The following SH3GL2 variants were observed in gnomAD, a reference collection of about 807,000 sequenced individuals.
SH3GL2 encodes SH3 domain containing GRB2 like 2, endophilin A1.
In SH3GL2, 24 loss-of-function variants were observed where a neutral mutation model predicts 46.0. The ratio of observed to expected loss-of-function variants is 0.52; its 90% CI spans 0.38 to 0.73. SH3GL2 has a LOEUF of 0.73. Among genes scored for constraint, SH3GL2 ranks in the 30% least tolerant of loss-of-function variants. SH3GL2 has a pLI of 0.00. For missense variants in SH3GL2, 413 were observed against 424.2 expected (o/e 0.97, Z 0.23); for synonymous variants, 196 against 147.1 (o/e 1.33, Z -2.40).
intron 1 of SH3GL2, among the ~76,000 whole-genome samples, chr9:17,677,075 G>T (rs1013317610): frequency 1.3e-5 from 2 of 152,244 alleles, no homozygotes; most frequent in Admixed American, 6.5e-5. Context: ...CATCACGCCT[G>T]CAGTCACTCC....
chr9:17,633,057 C>G (rs1217450336), intron 1 of SH3GL2, among the ~76,000 whole-genome samples: 1 of 152,186 alleles, frequency 6.6e-6, no homozygotes, highest in Non-Finnish European at 1.5e-5. Flanking sequence ...CTTTTCCTCT[C>G]CTGGGTCAGC....
intron 1 of SH3GL2, among the ~76,000 whole-genome samples, chr9:17,690,318 A>G (rs1821043412): frequency 6.6e-6 from 1 of 152,124 alleles, no homozygotes. Context: ...CTGCATAAAA[A>G]GTTGAATATG....
chr9:17,723,392 T>G (rs1414124913), intron 1 of SH3GL2, among the ~76,000 whole-genome samples: 1 of 152,190 alleles, frequency 6.6e-6, no homozygotes, highest in Non-Finnish European at 1.5e-5. Context: ...TGGTACATGT[T>G]TATGAGCTGT....
intron 1 of SH3GL2, among the ~76,000 whole-genome samples, chr9:17,580,395 A>G (rs1347597871): frequency 6.6e-6 from 1 of 152,178 alleles, no homozygotes; most frequent in African/African-American, 2.4e-5. Flanking sequence ...AGAAAAGGTG[A>G]GGGTTGTGTT....
intron 1 of SH3GL2, among the ~76,000 whole-genome samples, chr9:17,687,164 T>C (rs1174819418): frequency 6.6e-6 from 1 of 152,160 alleles, no homozygotes; most frequent in East Asian, 1.9e-4. Context: ...ATTAAGTGTA[T>C]GCTTTGATTT....
chr9:17,677,094 T>G (rs1025156738), intron 1 of SH3GL2, among the ~76,000 whole-genome samples: 14 of 152,124 alleles, frequency 9.2e-5, no homozygotes, highest in African/African-American at 3.4e-4. Context: ...CCTGTGGACT[T>G]AGAGGTTGAG....
chr9:17,774,137 T>A (rs1032967568), intron 3 of SH3GL2, among the ~76,000 whole-genome samples: 1 of 152,202 alleles, frequency 6.6e-6, no homozygotes, highest in African/African-American at 2.4e-5. Context: ...GATTTTTGTG[T>A]GTTGACTTTG....
intron 1 of SH3GL2, among the ~76,000 whole-genome samples, chr9:17,647,472 CAT>C (rs1278148956): frequency 6.6e-6 from 1 of 152,000 alleles, no homozygotes; most frequent in African/African-American, 2.4e-5. Flanking sequence ...TTTAGGAAGA[CAT>C]AAAGATACAA....
At position 17,712,508 on chromosome 9, in the gene SH3GL2, GT is replaced by G. The variant is rs1050325439; in HGVS notation, c.46-34552del. Among the ~76,000 whole-genome samples, 8 of 151,894 alleles carry G rather than the reference GT, an allele frequency of 5.3e-5. No homozygotes were observed. In the South Asian group the frequency reaches 1.2e-3, roughly 24 times the overall value. On this transcript the variant is annotated intron_variant, in intron 1 of 8. Transcript: ENST00000380607. ...ATATTACTGAAGGTGTGGATTGAAT[GT>G]TTTTTGTTTCTGCATATGAACATCC...
At chr9:17,638,892 T>G (rs535485738) in intron 1 of SH3GL2, among the ~76,000 whole-genome samples, 1 of 152,338 alleles carries the variant, frequency 6.6e-6, no homozygotes, top group East Asian at 1.9e-4. Context: ...GAACTTTTAA[T>G]GGACATCCGA....
At chr9:17,618,801 G>GTGTA (rs146712820) in intron 1 of SH3GL2, among the ~76,000 whole-genome samples, 13 of 151,738 alleles carry the variant, frequency 8.6e-5, no homozygotes, top group African/African-American at 2.7e-4. Flanking sequence ...TTTTGTGTGT[G>GTGTA]TGTGTGTGTG....
chr9:17,711,659 G>A (rs1191356704), intron 1 of SH3GL2, among the ~76,000 whole-genome samples: 2 of 151,726 alleles, frequency 1.3e-5, no homozygotes, highest in Non-Finnish European at 2.9e-5. Context: ...CCTTTATATT[G>A]CCAAATAGTA....
At chr9:17,623,376 T>C (rs900582462) in intron 1 of SH3GL2, among the ~76,000 whole-genome samples, 14 of 152,096 alleles carry the variant, frequency 9.2e-5, no homozygotes, top group Non-Finnish European at 1.9e-4. Context: ...TATACGTATG[T>C]AGTTCAAATG....
rs572327709 is a variant in SH3GL2 at position 17,597,196 on chromosome 9, G to C, written c.45+17909G>C. ...TATTTGCTGCAAAACTTCGGGTTTT[G>C]GTCCTTTTAAAGTAGTTTCAGATTT... On this transcript the variant is annotated intron_variant, in intron 1 of 8. Transcript: ENST00000380607. Among the ~76,000 whole-genome samples the C allele has an allele frequency of 7.4e-4, 112 of 152,246 alleles. 3 individuals carry two copies. In the South Asian group the frequency reaches 0.022, roughly 30 times the overall value.
intron 1 of SH3GL2, among the ~76,000 whole-genome samples, chr9:17,658,197 A>C (rs2117863901): frequency 6.6e-6 from 1 of 152,344 alleles, no homozygotes; most frequent in Admixed American, 6.5e-5. Flanking sequence ...GACAGTCATT[A>C]ATAAATGTTA....
chr9:17,608,147 C>CTTTTTT (rs58474566), intron 1 of SH3GL2, among the ~76,000 whole-genome samples: 13 of 120,332 alleles, frequency 1.1e-4, no homozygotes, highest in Non-Finnish European at 1.6e-4. Flanking sequence ...AAGCTTTCCT[C>CTTTTTT]TTTTTTTTTT....
intron 1 of SH3GL2, among the ~76,000 whole-genome samples, chr9:17,725,355 G>A (rs534325339): frequency 6.6e-6 from 1 of 152,116 alleles, no homozygotes; most frequent in South Asian, 2.1e-4. Flanking sequence ...ACTCTTCTTT[G>A]GTGTCTCTCA....
At chr9:17,783,068 G>C (rs566692991) in intron 3 of SH3GL2, among the ~76,000 whole-genome samples, 1 of 152,126 alleles carries the variant, frequency 6.6e-6, no homozygotes, top group Non-Finnish European at 1.5e-5. Context: ...CTGGAAGGAG[G>C]AAAGAAAGAA....
chr9:17,642,313 T>C (rs1168804459), intron 1 of SH3GL2, among the ~76,000 whole-genome samples: 1 of 152,202 alleles, frequency 6.6e-6, no homozygotes, highest in African/African-American at 2.4e-5. Flanking sequence ...GTAGGTTGCC[T>C]GTTCACTCTG....
Sources: allele counts gnomAD v4.1 joint callset (sites outside exome capture counted in the v4.1 genomes callset), GRCh38; gene constraint gnomAD v4.1.1; transcripts MANE v1.5; gene names NCBI Gene and HGNC (gene_info 2026-07-23, HGNC 2026-07-21).